C17orf67: variants seen among roughly 807,000 people sequenced by gnomAD.
The protein encoded by C17orf67 is uncharacterized protein C17orf67.
In C17orf67, 12 loss-of-function variants were observed where a neutral mutation model predicts 11.2. The observed-to-expected ratio is 1.07, with a 90% CI of 0.68 to 1.73. The LOEUF (loss-of-function observed/expected upper bound fraction) is 1.73, where lower values mean the gene tolerates loss of function less well. C17orf67 is among the 40% of genes most tolerant of loss of function. The pLI, the probability that C17orf67 is intolerant of heterozygous loss-of-function variation, is 0.00. For synonymous variants in C17orf67, 59 were observed against 46.9 expected (o/e 1.26, Z -1.05); for missense variants, 115 against 113.5 (o/e 1.01, Z -0.06).
chr17:56,794,221 C>T (rs75088376), intron 7 of C17orf67, among the ~76,000 whole-genome samples: 20,446 of 152,148 alleles, frequency 0.13, 1,441 homozygotes, highest in South Asian at 0.16. Context: ...TTAATAGGAG[C>T]GTCCCTGTGT....
intron 2 of C17orf67, among the ~76,000 whole-genome samples, chr17:56,826,338 A>G (rs1248190434): frequency 6.6e-6 from 1 of 152,226 alleles, no homozygotes; most frequent in African/African-American, 2.4e-5. Flanking sequence ...GATTCATAAA[A>G]GACAATGACA....
intron 6 of C17orf67, among the ~76,000 whole-genome samples, chr17:56,803,056 T>C (rs1450027574): frequency 6.6e-6 from 1 of 152,172 alleles, no homozygotes; most frequent in African/African-American, 2.4e-5. Flanking sequence ...AATAAAACAT[T>C]CTTAAAATGC....
chr17:56,812,570 G>C (rs1300810504), intron 6 of C17orf67, among the ~76,000 whole-genome samples: 1 of 152,132 alleles, frequency 6.6e-6, no homozygotes, highest in Non-Finnish European at 1.5e-5. Context: ...TGGATGAAGT[G>C]TCTCTGAGAG....
At chr17:56,826,332 C>T (rs1006070020) in intron 2 of C17orf67, among the ~76,000 whole-genome samples, 1 of 152,176 alleles carries the variant, frequency 6.6e-6, no homozygotes, top group African/African-American at 2.4e-5. Context: ...AGCTAGGATT[C>T]ATAAAAGACA....
At chr17:56,819,612 C>T (rs1337604066) in intron 4 of C17orf67, among the ~76,000 whole-genome samples, 1 of 152,096 alleles carries the variant, frequency 6.6e-6, no homozygotes, top group African/African-American at 2.4e-5. Flanking sequence ...AGGTGTGATA[C>T]TGGCAGGGCC....
At chr17:56,815,411 G>A (rs1190252339) in intron 5 of C17orf67, among the ~76,000 whole-genome samples, 2 of 152,032 alleles carry the variant, frequency 1.3e-5, no homozygotes, top group Non-Finnish European at 2.9e-5. Context: ...TAGTATAAAA[G>A]TGCTTTGATA....
At chr17:56,826,569 T>A (rs2144150634) in intron 2 of C17orf67, among the ~76,000 whole-genome samples, 1 of 152,284 alleles carries the variant, frequency 6.6e-6, no homozygotes, top group Admixed American at 6.5e-5. Context: ...GCCTCCAAAC[T>A]CAAAAGTGTG....
chr17:56,825,740 T>C (rs909446369), intron 2 of C17orf67, among the ~76,000 whole-genome samples: 29 of 152,156 alleles, frequency 1.9e-4, no homozygotes, highest in Non-Finnish European at 8.8e-5. Flanking sequence ...TATTTTGTAA[T>C]GCTAAATAAG....
At chr17:56,793,777 G>T (rs556038091) in intron 7 of C17orf67, among the ~76,000 whole-genome samples, 1 of 152,194 alleles carries the variant, frequency 6.6e-6, no homozygotes, top group South Asian at 2.1e-4. Flanking sequence ...AGTGCTAAAA[G>T]ACAAAGGCCC....
intron 2 of C17orf67, among the ~76,000 whole-genome samples, chr17:56,826,733 T>C (rs897783444): frequency 2.6e-5 from 4 of 152,254 alleles, no homozygotes; most frequent in African/African-American, 9.6e-5. Flanking sequence ...CTTTCTTTAA[T>C]GGTTTAATTT....
At chr17:56,811,832 A>C (rs1163840711) in intron 6 of C17orf67, among the ~76,000 whole-genome samples, 2 of 152,224 alleles carry the variant, frequency 1.3e-5, no homozygotes, top group African/African-American at 2.4e-5. Context: ...CCAGTTCAAC[A>C]TTTAACAGCT....
rs558513849 is a variant in C17orf67, at chr17:56,812,612, T to C, written c.156+2257A>G. Among the ~76,000 whole-genome samples, 28 of 152,066 alleles carry C rather than the reference T, an allele frequency of 1.8e-4. 1 individual carries two copies. Among genetic ancestry groups the C allele is most frequent in the African/African-American group, 6.5e-4 (27 of 41,474 alleles). ...GGAGGATGGGATGGTGGCTCAGCAA[T>C]AGGTTCTGAGGCAAGAAGGAGTTAC... On this transcript the variant is annotated intron_variant, in intron 6 of 7. Transcript: ENST00000397861.
intron 6 of C17orf67, among the ~76,000 whole-genome samples, chr17:56,801,785 C>T (rs116113791): frequency 2.0e-5 from 3 of 152,156 alleles, no homozygotes; most frequent in African/African-American, 4.8e-5. Context: ...TTGGGAGGAA[C>T]AGGAAGGCCG....
At chr17:56,825,725 A>G (rs969572699) in intron 2 of C17orf67, among the ~76,000 whole-genome samples, 3 of 152,202 alleles carry the variant, frequency 2.0e-5, no homozygotes, top group Non-Finnish European at 4.4e-5. Flanking sequence ...ATAACATATA[A>G]AAGTTATTTT....
rs72837358 is a variant in C17orf67 at position 56,814,987 on chromosome 17, G to C, written c.56-18C>G. On this transcript the variant is annotated intron_variant, in intron 5 of 7. Coordinates refer to ENST00000397861, the MANE Select transcript of C17orf67 (RefSeq NM_001085430.4). ...GGAGGTCTCTGGAAAAGTCGGGAAG[G>C]TGCCTTAAGGACACTCAGGCTCAGG... 0.13 allele frequency: 216,192 copies of C among 1,603,412 alleles called. 15,152 individuals are homozygous for C. Among genetic ancestry groups the C allele is most frequent in the South Asian group, 0.16 (14,587 of 90,848 alleles).
intron 2 of C17orf67, among the ~76,000 whole-genome samples, chr17:56,826,669 T>C (rs1298184636): frequency 6.6e-6 from 1 of 152,232 alleles, no homozygotes; most frequent in African/African-American, 2.4e-5. Flanking sequence ...AATCTGCATT[T>C]TAACAAGATT....
intron 7 of C17orf67, among the ~76,000 whole-genome samples, chr17:56,794,696 C>T (rs896813556): frequency 2.0e-5 from 3 of 152,188 alleles, no homozygotes; most frequent in Admixed American, 2.0e-4. Context: ...GTTGACTCCA[C>T]GAATGCTGAG....
chr17:56,800,226 C>T lies in C17orf67; in HGVS notation c.157-5046G>A, dbSNP rs372948026. ...AACTACAGGCACCCACCATCACACC[C>T]GGCTAATTTTTTGAATTTTTAGTAG... On this transcript the variant is annotated intron_variant, in intron 6 of 7. Coordinates refer to ENST00000397861, the MANE Select transcript of C17orf67 (RefSeq NM_001085430.4). Among the ~76,000 whole-genome samples, 10 of 152,160 alleles carry T rather than the reference C, an allele frequency of 6.6e-5. No homozygotes were observed. In the East Asian group the frequency reaches 9.6e-4, roughly 15 times the overall value.
intron 6 of C17orf67, among the ~76,000 whole-genome samples, chr17:56,802,299 T>C (rs1385219851): frequency 6.6e-6 from 1 of 152,152 alleles, no homozygotes; most frequent in Middle Eastern, 3.2e-3. Context: ...AATCCCCTAG[T>C]TCCTCACCAA....
Sources: gnomAD v4.1 joint callset for allele counts (sites outside exome capture counted in the v4.1 genomes callset) on GRCh38, gnomAD v4.1.1 for gene constraint, MANE v1.5 for transcripts, NCBI Gene and HGNC (gene_info 2026-07-23, HGNC 2026-07-21) for gene names.